NAAA: variants seen among roughly 807,000 people sequenced by gnomAD.
NAAA encodes the protein N-acylethanolamine acid amidase.
A neutral mutation model predicts 44.8 loss-of-function variants in NAAA; 39 were observed. That is an observed-to-expected ratio of 0.87 (90% CI 0.67 to 1.14). The LOEUF (loss-of-function observed/expected upper bound fraction) is 1.14, where lower values mean the gene tolerates loss of function less well. NAAA is among the 50% of genes most tolerant of loss of function. The pLI, the probability that NAAA is intolerant of heterozygous loss-of-function variation, is 0.00. For missense variants in NAAA, 460 were observed against 467.8 expected (o/e 0.98, Z 0.15); for synonymous variants, 178 against 191.3 (o/e 0.93, Z 0.58).
At chr4:75,925,849 A>G (rs1726635842) in intron 4 of NAAA, 38 bp from the exon 5 acceptor site, 3 of 1,568,074 alleles carry the variant, frequency 1.9e-6, no homozygotes, top group South Asian at 1.1e-5. Flanking sequence ...ATGTGTGTGT[A>G]TATATGTACA....
chr4:75,930,203 T>A (rs1266307665), intron 4 of NAAA, among the ~76,000 whole-genome samples: 4 of 152,164 alleles, frequency 2.6e-5, no homozygotes, highest in Non-Finnish European at 5.9e-5. Context: ...CTTGTATATA[T>A]CCTTCTCCTT....
At chr4:75,937,544 G>T (rs1187060813) in intron 2 of NAAA, among the ~76,000 whole-genome samples, 1 of 152,150 alleles carries the variant, frequency 6.6e-6, no homozygotes, top group East Asian at 1.9e-4. Flanking sequence ...GGAGTGCAGT[G>T]GTGCAATGTC....
In NAAA at chr4:75,921,001, C is replaced by G. The variant is rs1578046227; in HGVS notation, c.789G>C (p.Arg263Ser). 6.2e-7 allele frequency: 1 copy of G among 1,611,820 alleles called. No individual in the cohort carries two copies. The highest frequency in any genetic ancestry group is 8.5e-7 in the Non-Finnish European group (1 of 1,179,516). The change falls in exon 6 of 11, where the codon AGG (arginine) becomes AGC (serine). Residue 263 changes from arginine to serine, a missense_variant. Transcript: ENST00000286733. The stretch of plus-strand genomic sequence containing the variant: ...AAATGTCTGCTGGGCCATCTCTGTT[C>G]CTCGTGATGACCACCCCCTCCCGGG... ...TSPREGVVIT[R>S]NRDGPADIWP...
chr4:75,931,303 A>G lies in NAAA; in HGVS notation c.500T>C (p.Ile167Thr), dbSNP rs1300342730. Residue 167 changes from isoleucine (I) to threonine (T), a missense_variant and splice_region_variant, in exon 4 of 11, where the codon ATT (isoleucine) becomes ACT (threonine). By Grantham distance (89) the Ile-to-Thr change is moderately conservative (BLOSUM62 -1). Coordinates refer to ENST00000286733, the MANE Select transcript of NAAA (RefSeq NM_014435.4). ...AATAAAAGTAGTTCCTGTGAATGCA[A>G]TCTGAAATCAAGAGATAACATGGAT... ...VDVQFLKNGQ[I>T]AFTGTTFIGY... is the part of the protein sequence containing the mutation. The G allele has an allele frequency of 5.0e-6, 8 of 1,606,998 alleles. No individual in the cohort carries two copies. The highest frequency in any genetic ancestry group is 6.8e-6 in the Non-Finnish European group (8 of 1,173,896).
intron 5 of NAAA, among the ~76,000 whole-genome samples, chr4:75,923,045 AGTCTAGG>A (rs1428022608): frequency 6.8e-6 from 1 of 146,022 alleles, no homozygotes; most frequent in Non-Finnish European, 1.5e-5. Flanking sequence ...TTTTTTTTTT[AGTCTAGG>A]TCCCAGAGTT....
Position 75,921,173 on chromosome 4 carries a change from C to T in NAAA, c.667-50G>A, listed in dbSNP as rs1300944169. ...GAGCAACCCCACCTGCAGTTGGGTC[C>T]ACACCAGATGATGCAAAAATGATCC... On this transcript the variant is annotated intron_variant, in intron 5 of 10. Coordinates refer to ENST00000286733, the MANE Select transcript of NAAA (RefSeq NM_014435.4). 5 of 1,498,276 alleles carry T rather than the reference C, an allele frequency of 3.3e-6. No homozygotes were observed. The East Asian group carries it at 1.1e-4, about 34-fold the overall frequency. The allele number at this position is 1,498,276 out of a possible 1,614,324, so 92.8% of individuals were successfully genotyped here.
chr4:75,923,762 ACTCCTGAC>A (rs1726394016), intron 5 of NAAA, among the ~76,000 whole-genome samples: 1 of 151,618 alleles, frequency 6.6e-6, no homozygotes, highest in Non-Finnish European at 1.5e-5. Flanking sequence ...CTAGTCTCGA[ACTCCTGAC>A]CTCCTCACTT....
In NAAA at chr4:75,921,029, G is replaced by A. The variant is rs199640267; in HGVS notation, c.761C>T (p.Ser254Phe). The change falls in exon 6 of 11, where the codon TCC becomes TTC. Residue 254 changes from serine to phenylalanine, a missense_variant. Coordinates refer to ENST00000286733, the MANE Select transcript of NAAA (RefSeq NM_014435.4). ...CGTGATGACCACCCCCTCCCGGGGG[G>A]ACGTGCCACCAACAATGTAATAAAC... The part of the protein sequence containing the change: ...ADVYYIVGGT[S>F]PREGVVITRN... The A allele has an allele frequency of 2.5e-4, 403 of 1,608,542 alleles. No homozygotes were observed. Among genetic ancestry groups the A allele is most frequent in the Middle Eastern group, 6.6e-4 (4 of 6,054 alleles).
chr4:75,936,773 C>T (rs184737614), intron 2 of NAAA, among the ~76,000 whole-genome samples: 8 of 152,240 alleles, frequency 5.3e-5, no homozygotes, highest in African/African-American at 1.4e-4. Flanking sequence ...CAGCTCCTTG[C>T]ACAGAGATCA....
At position 75,927,960 on chromosome 4, in the gene NAAA, G is replaced by A. The variant is rs148285315; in HGVS notation, c.590-2149C>T. Among the ~76,000 whole-genome samples, 105 of 152,224 alleles carry A rather than the reference G, an allele frequency of 6.9e-4. 2 individuals carry two copies. The highest frequency in any genetic ancestry group is 1.8e-4 in the Non-Finnish European group (12 of 68,006). On this transcript the variant is annotated intron_variant, in intron 4 of 10. Coordinates refer to ENST00000286733, the MANE Select transcript of NAAA (RefSeq NM_014435.4). The stretch of plus-strand genomic sequence containing the variant: ...TATATGAATGTAACACATCACATGT[G>A]CTCCCAAAATATGCACATGTAATGT...
At chr4:75,913,281 C>G (rs368319785), downstream of NAAA, among the ~76,000 whole-genome samples, 1 of 151,786 alleles carries the variant, frequency 6.6e-6, no homozygotes, top group African/African-American at 2.4e-5. Flanking sequence ...CTCTTTTTAT[C>G]CCCCGCTCCT....
chr4:75,925,927 G>A, intron 4 of NAAA, 116 bp from the exon 5 acceptor site: 2 of 943,830 alleles, frequency 2.1e-6, no homozygotes, highest in African/African-American at 1.6e-5. Context: ...TTTGAAAGCA[G>A]AATCTTTTGT....
At chr4:75,918,411 C>T (rs1270101973) in intron 9 of NAAA, among the ~76,000 whole-genome samples, 7 of 152,034 alleles carry the variant, frequency 4.6e-5, no homozygotes, top group African/African-American at 9.6e-5. Context: ...GCCGAGATTG[C>T]GCCACTGCAC....
chr4:75,937,888 A>T (rs1727875362), intron 2 of NAAA, among the ~76,000 whole-genome samples: 2 of 152,240 alleles, frequency 1.3e-5, no homozygotes, highest in Non-Finnish European at 2.9e-5. Flanking sequence ...GATCTCTCTC[A>T]GAGGCGATTT....
Position 75,921,018 on chromosome 4 carries a change from C to T in NAAA, c.772G>A (p.Gly258Arg), listed in dbSNP as rs370792851. The T allele has an allele frequency of 1.2e-6, 2 of 1,609,564 alleles. No individual in the cohort carries two copies. Among genetic ancestry groups the T allele is most frequent in the Non-Finnish European group, 1.7e-6 (2 of 1,179,100 alleles). ...YIVGGTSPRE[G>R]VVITRNRDGP... ...TCTCTGTTCCTCGTGATGACCACCC[C>T]CTCCCGGGGGGACGTGCCACCAACA... The change falls in exon 6 of 11, where the codon GGG becomes AGG. Residue 258 changes from glycine to arginine, a missense_variant. Coordinates refer to ENST00000286733, the MANE Select transcript of NAAA (RefSeq NM_014435.4).
intron 5 of NAAA, among the ~76,000 whole-genome samples, chr4:75,925,190 C>T (rs1311153295): frequency 1.3e-5 from 2 of 152,130 alleles, no homozygotes; most frequent in Admixed American, 6.5e-5. Context: ...CACATGCCAC[C>T]ACACCCAGCT....
At chr4:75,940,239 C>CGG in intron 1 of NAAA, 74 bp from the exon 2 acceptor site, 1 of 1,506,424 alleles carries the variant, frequency 6.6e-7, no homozygotes. Flanking sequence ...GCACTGCGAG[C>CGG]GGGGCTACAT....
intron 8 of NAAA, 38 bp from the exon 9 acceptor site, chr4:75,918,827 T>A (rs778334554): frequency 2.5e-6 from 4 of 1,579,380 alleles, no homozygotes; most frequent in Non-Finnish European, 3.5e-6. Flanking sequence ...GAAGATTACA[T>A]GGTAGAAGAA....
intron 4 of NAAA, 29 bp from the exon 5 acceptor site, chr4:75,925,840 T>C (rs1163892928): frequency 6.3e-7 from 1 of 1,589,566 alleles, no homozygotes; most frequent in Non-Finnish European, 8.6e-7. Flanking sequence ...ATGTTATATA[T>C]GTGTGTGTAT....
Sources: gnomAD v4.1 joint callset for allele counts (sites outside exome capture counted in the v4.1 genomes callset) on GRCh38, gnomAD v4.1.1 for gene constraint, MANE v1.5 for transcripts, NCBI Gene and HGNC (gene_info 2026-07-23, HGNC 2026-07-21) for gene names.